The following CD244 variants were observed in gnomAD, a reference collection of about 807,000 sequenced individuals.
CD244 encodes the protein natural killer cell receptor 2B4.
CD244 carries 20 observed loss-of-function variants against 45.5 expected under a neutral mutation model. That is an observed-to-expected ratio of 0.44 (90% CI 0.31 to 0.64). The LOEUF (loss-of-function observed/expected upper bound fraction) is 0.64, where lower values mean the gene tolerates loss of function less well. Among genes scored for constraint, CD244 ranks in the 30% least tolerant of loss-of-function variants. The probability of loss-of-function intolerance (pLI) is 0.08; values close to 1 mark genes in which losing one functional copy is unlikely to be tolerated. For missense variants in CD244, 407 were observed against 426.9 expected (o/e 0.95, Z 0.41); for synonymous variants, 185 against 160.5 (o/e 1.15, Z -1.15).
intron 5 of CD244, among the ~76,000 whole-genome samples, chr1:160,837,353 T>G (rs1669370290): frequency 6.6e-6 from 1 of 152,204 alleles, no homozygotes; most frequent in South Asian, 2.1e-4. Flanking sequence ...TGTGGGTAGA[T>G]TCACATGCTT....
intron 1 of CD244, among the ~76,000 whole-genome samples, chr1:160,845,393 T>C (rs1300870723): frequency 6.6e-6 from 1 of 151,916 alleles, no homozygotes; most frequent in Non-Finnish European, 1.5e-5. Flanking sequence ...ATATTTGAGA[T>C]ATAGCAAAAA....
In CD244 at chr1:160,849,867, G is replaced by C. The variant is rs145208283; in HGVS notation, c.62-7966C>G. Among the ~76,000 whole-genome samples, 189 of 152,126 alleles carry C rather than the reference G, an allele frequency of 1.2e-3. 2 individuals are homozygous for C. In the East Asian group the frequency reaches 0.03, roughly 24 times the overall value. On this transcript the variant is annotated intron_variant, in intron 1 of 8. Coordinates refer to ENST00000368034, the MANE Select transcript of CD244 (RefSeq NM_016382.4). ...ATCTCTACTAAAAATACAAAAATTA[G>C]CCAGGCGGGTGGCAGTCACCTGAAA...
At chr1:160,848,617 T>C in intron 1 of CD244, 1 of 346,192 alleles carries the variant, frequency 2.9e-6, no homozygotes, top group South Asian at 2.4e-5. Context: ...CCTTGCTGGG[T>C]TTCTCCACTC....
At chr1:160,832,459 G>T in intron 8 of CD244, 60 bp downstream of exon 8, 1 of 1,023,790 alleles carries the variant, frequency 9.8e-7, no homozygotes, top group Non-Finnish European at 1.5e-6. Flanking sequence ...ACCCTTTCAT[G>T]GCTAGATTTC....
chr1:160,835,739 A>G (rs1434657998), intron 6 of CD244, among the ~76,000 whole-genome samples: 1 of 152,230 alleles, frequency 6.6e-6, no homozygotes, highest in Non-Finnish European at 1.5e-5. Context: ...CTAAACAATA[A>G]AATTGTTTTA....
intron 1 of CD244, among the ~76,000 whole-genome samples, chr1:160,852,422 G>A (rs193044668): frequency 8.2e-4 from 124 of 151,970 alleles, no homozygotes; most frequent in African/African-American, 2.7e-3. Flanking sequence ...CGGTGGTGGC[G>A]CCTGTAATAC....
Position 160,862,648 on chromosome 1 carries a change from G to A in CD244, c.30C>T (p.Leu10=). The A allele has an allele frequency of 6.2e-7, 1 of 1,614,092 alleles. No individual in the cohort carries two copies. The highest frequency in any genetic ancestry group is 2.2e-5 in the East Asian group (1 of 44,886). MLGQVVTLI[L]LLLLKVYQGK... is the part of the protein sequence containing the mutation. Reference sequence around the variant, plus strand: ...CCTGATACACCTTGAGGAGCAGGAGGAGTATGAGGGTGACCACTTGCCCCA... The same window carrying A: ...CCTGATACACCTTGAGGAGCAGGAGAAGTATGAGGGTGACCACTTGCCCCA... The change falls in exon 1 of 9, where the codon CTC becomes CTT. Residue 10 remains leucine, a synonymous_variant. Transcript: ENST00000368034.
At chr1:160,842,788 C>G (rs1031169161) in intron 1 of CD244, among the ~76,000 whole-genome samples, 8 of 152,200 alleles carry the variant, frequency 5.3e-5, no homozygotes, top group African/African-American at 1.9e-4. Flanking sequence ...CAGCACTTGC[C>G]TCTCAAAGAA....
chr1:160,862,267 T>C (rs1670338019), intron 1 of CD244, among the ~76,000 whole-genome samples: 1 of 152,174 alleles, frequency 6.6e-6, no homozygotes, highest in Non-Finnish European at 1.5e-5. Context: ...CTGCTTCTCT[T>C]CTCTCATGCC....
At chr1:160,849,650 C>T (rs1278737309) in intron 1 of CD244, among the ~76,000 whole-genome samples, 1 of 152,204 alleles carries the variant, frequency 6.6e-6, no homozygotes, top group Non-Finnish European at 1.5e-5. Context: ...TCCATAATTA[C>T]CTCTTTTAAT....
At chr1:160,862,496 G>A (rs1670345770) in intron 1 of CD244, 121 bp downstream of exon 1, 4 of 796,920 alleles carry the variant, frequency 5.0e-6, no homozygotes, top group Non-Finnish European at 8.2e-6. Flanking sequence ...GTCAGGAGCT[G>A]CTCGGAGTCA....
At chr1:160,841,015 T>G (rs564884559) in intron 3 of CD244, among the ~76,000 whole-genome samples, 195 bp downstream of exon 3, 54 of 152,308 alleles carry the variant, frequency 3.5e-4, no homozygotes, top group African/African-American at 1.3e-3. Context: ...GGGATAACAT[T>G]TTTTTCCAGA....
intron 4 of CD244, 162 bp downstream of exon 4, chr1:160,838,777 C>T: frequency 1.6e-6 from 1 of 620,872 alleles, no homozygotes; most frequent in South Asian, 2.0e-5. Context: ...GAGAGAGAGC[C>T]TAGCAACCTG....
chr1:160,852,312 G>A (rs1428724354), intron 1 of CD244, among the ~76,000 whole-genome samples: 1 of 152,220 alleles, frequency 6.6e-6, no homozygotes, highest in East Asian at 1.9e-4. Flanking sequence ...CACTTTGGGA[G>A]GCCGAGGCGG....
chr1:160,846,607 A>C (rs1467321607), intron 1 of CD244, among the ~76,000 whole-genome samples: 1 of 152,130 alleles, frequency 6.6e-6, no homozygotes, highest in Non-Finnish European at 1.5e-5. Context: ...TCAAGGCTGC[A>C]GCGAGCCAAG....
At chr1:160,849,751 C>T (rs566155348) in intron 1 of CD244, among the ~76,000 whole-genome samples, 13 of 152,274 alleles carry the variant, frequency 8.5e-5, no homozygotes, top group East Asian at 7.7e-4. Context: ...TGAGGCTGGG[C>T]GCAGTGGCTC....
Position 160,841,466 on chromosome 1 carries a change from G to C in CD244, c.399C>G (p.Arg133=), listed in dbSNP as rs1226402443. ...VFVFDKVEKP[R]LQGQGKILDR... is the part of the protein sequence containing the mutation. ...CCAGGATCTTCCCCTGCCCCTGTAG[G>C]CGGGGTTTCTCAACTTTATCTGGAA... Residue 133 remains arginine, a synonymous_variant, in exon 3 of 9, where the codon CGC becomes CGG. Coordinates refer to ENST00000368034, the MANE Select transcript of CD244 (RefSeq NM_016382.4). The C allele has an allele frequency of 6.2e-7, 1 of 1,614,000 alleles. No individual in the cohort carries two copies. The highest frequency in any genetic ancestry group is 8.5e-7 in the Non-Finnish European group (1 of 1,180,016).
chr1:160,855,771 G>A (rs1424496978), intron 1 of CD244, among the ~76,000 whole-genome samples: 2 of 152,176 alleles, frequency 1.3e-5, no homozygotes, highest in African/African-American at 4.8e-5. Flanking sequence ...AGGTGAACTA[G>A]TAACTCTGAA....
chr1:160,832,367 T>A (rs969645244), intron 8 of CD244, 152 bp downstream of exon 8: 2 of 592,724 alleles, frequency 3.4e-6, no homozygotes, highest in Admixed American at 5.5e-5. Context: ...AGTGTCTTCA[T>A]CTCTAAAACA....
Sources: allele counts gnomAD v4.1 joint callset (sites outside exome capture counted in the v4.1 genomes callset), GRCh38; gene constraint gnomAD v4.1.1; transcripts MANE v1.5; gene names NCBI Gene and HGNC (gene_info 2026-07-23, HGNC 2026-07-21).